Variants in MGAM observed in about 807,000 individuals in gnomAD.
MGAM encodes the protein alpha-1,4-glucosidase.
A neutral mutation model predicts 358.8 loss-of-function variants in MGAM; 253 were observed. That is an observed-to-expected ratio of 0.71 (90% confidence interval 0.64 to 0.78). MGAM has a LOEUF of 0.78. MGAM is among the 30% of genes least tolerant of loss of function. The pLI, the probability that MGAM is intolerant of heterozygous loss-of-function variation, is 0.00. For missense variants in MGAM, 3,080 were observed against 3,432.6 expected (o/e 0.90, Z 2.57); for synonymous variants, 1,105 against 1,227.1 (o/e 0.90, Z 2.08).
chr7:142,094,242 C>T (rs1815668124), intron 60 of MGAM, 122 bp from the exon 61 acceptor site: 2 of 1,204,446 alleles, frequency 1.7e-6, no homozygotes, highest in Non-Finnish European at 2.3e-6. Context: ...AGCTCAGAGT[C>T]CCGTGTTCCC....
At chr7:142,037,851 G>A (rs28469053) in intron 18 of MGAM, among the ~76,000 whole-genome samples, 10,608 of 152,026 alleles carry the variant, frequency 0.07, 1,217 homozygotes, top group African/African-American at 0.24. Context: ...GAACATTATG[G>A]GAATGAGGTA....
At chr7:142,042,820 A>G in intron 21 of MGAM, among the ~76,000 whole-genome samples, 1 of 52,050 alleles carries the variant, frequency 1.9e-5, no homozygotes, top group Non-Finnish European at 3.7e-5. Flanking sequence ...TATAATATCT[A>G]AATATAATAT....
At chr7:142,055,865 G>T (rs568779830) in intron 28 of MGAM, 135 bp from the exon 29 acceptor site, 4 of 1,456,078 alleles carry the variant, frequency 2.7e-6, no homozygotes, top group Admixed American at 2.1e-5. Flanking sequence ...AGGCTCCTTT[G>T]TTTCATGTGT....
chr7:142,021,762 G>A, intron 6 of MGAM, 25 bp downstream of exon 6: 1 of 1,612,100 alleles, frequency 6.2e-7, no homozygotes, highest in Non-Finnish European at 8.5e-7. Context: ...CCTATCTAAG[G>A]ATCAGAGTAG....
At chr7:142,055,045 A>G (rs955850368) in intron 27 of MGAM, 137 bp downstream of exon 27, 27 of 1,043,542 alleles carry the variant, frequency 2.6e-5, no homozygotes, top group Non-Finnish European at 3.3e-5. Flanking sequence ...TTTCCTTCAG[A>G]CCTATTCTTA....
At chr7:142,067,943 T>TATATATATATATATATAA (rs1812919569) in intron 42 of MGAM, among the ~76,000 whole-genome samples, 1 of 37,260 alleles carries the variant, frequency 2.7e-5, no homozygotes, top group Non-Finnish European at 6.0e-5. Context: ...CAAATATATA[T>TATATATATATATATATAA]ATATATATAT....
chr7:142,068,578 C>T, intron 42 of MGAM, 69 bp from the exon 43 acceptor site: 1 of 1,224,340 alleles, frequency 8.2e-7, no homozygotes, highest in East Asian at 2.4e-5. Context: ...CACCTCTTTC[C>T]TAAGCAGTTT....
rs778065310 is a variant in MGAM at position 142,102,636 on chromosome 7, A to G, written c.7970A>G (p.Tyr2657Cys). 6.2e-7 allele frequency: 1 copy of G among 1,613,324 alleles called. No individual in the cohort carries two copies. The highest frequency in any genetic ancestry group is 1.1e-5 in the South Asian group (1 of 90,870). The change falls in exon 69 of 71, where the codon TAT becomes TGT. Residue 2657 changes from tyrosine to cysteine, a missense_variant. Transcript: ENST00000475668. The part of the protein sequence containing the change: ...FWDDGQSIDT[Y>C]GKGLYYLASF... ...TCTTGTTTTTTGTTTGCAGATACCTATGGGAAAGGACTCTATTACTTGGCC... is the reference window on the plus strand; with the variant it reads ...TCTTGTTTTTTGTTTGCAGATACCTGTGGGAAAGGACTCTATTACTTGGCC...
At chr7:142,083,505 C>T in intron 53 of MGAM, 92 bp downstream of exon 53, 1 of 905,658 alleles carries the variant, frequency 1.1e-6, no homozygotes, top group Non-Finnish European at 1.6e-6. Flanking sequence ...CAGATGATAA[C>T]TGGAATTATT....
At position 142,087,390 on chromosome 7, in the gene MGAM, T is replaced by G. The variant is rs73738784; in HGVS notation, c.6810+673T>G. The stretch of plus-strand genomic sequence containing the variant: ...CACTAAGCGTTTCTTGCTTGAATGA[T>G]ACATGGCTCCTTACAGGTCTAGGAA... On this transcript the variant is annotated intron_variant, in intron 57 of 70. Transcript: ENST00000475668. 2.1e-5 allele frequency among the ~76,000 whole-genome samples: 3 copies of G among 145,756 alleles called. No individual in the cohort carries two copies. In the Admixed American group the frequency reaches 2.1e-4, roughly 10 times the overall value.
chr7:142,064,735 C>T (rs1812556871), intron 37 of MGAM, among the ~76,000 whole-genome samples: 1 of 152,156 alleles, frequency 6.6e-6, no homozygotes. Flanking sequence ...AAGGCATGGT[C>T]CCACCAGTGA....
rs150522455 is a variant in MGAM at position 142,006,782 on chromosome 7, C to T, written c.127+1125C>T. Among the ~76,000 whole-genome samples the T allele has an allele frequency of 6.3e-3, 953 of 152,212 alleles. 4 individuals are homozygous for T. The highest frequency in any genetic ancestry group is 0.01 in the Non-Finnish European group (680 of 67,998). Reference sequence around the variant, plus strand: ...CTCAACTTTCATTTTTCAGTCAGAACTATATAAGCTGAACCAATTGAGACA... The same window carrying T: ...CTCAACTTTCATTTTTCAGTCAGAATTATATAAGCTGAACCAATTGAGACA... On this transcript the variant is annotated intron_variant, in intron 2 of 70. Coordinates refer to ENST00000475668, the MANE Select transcript of MGAM (RefSeq NM_001365693.1).
rs1217378951 is a variant in MGAM at position 142,085,897 on chromosome 7, T to G, written c.6572T>G (p.Phe2191Cys). The change falls in exon 55 of 71, where the codon TTT becomes TGT. Residue 2191 changes from phenylalanine (F) to cysteine (C), a missense_variant. Around this residue, in one of 5 missense-constraint regions of MGAM, gnomAD observed 932 missense variants for 1,198.2 expected, o/e 0.78. Coordinates refer to ENST00000475668, the MANE Select transcript of MGAM (RefSeq NM_001365693.1). ...CTGGACTTCACCCTCAGCCCCAAGT[T>G]TGCCGGGTTTCCAGCTCTGATCAAT... ...RQLDFTLSPKFAGFPALINRM... is the reference protein window; with the variant it reads ...RQLDFTLSPKCAGFPALINRM... 2.6e-6 allele frequency: 4 copies of G among 1,566,124 alleles called. 1 individual carries two copies. Among genetic ancestry groups the G allele is most frequent in the East Asian group, 4.6e-5 (2 of 43,950 alleles).
At position 142,094,216 on chromosome 7, in the gene MGAM, G is replaced by A; in HGVS notation, c.7173-148G>A. The A allele has an allele frequency of 2.0e-6, 2 of 994,952 alleles. 1 individual carries two copies. The highest frequency in any genetic ancestry group is 2.9e-6 in the Non-Finnish European group (2 of 681,610). 61.6% of individuals were successfully genotyped at this position (994,952 alleles called of 1,614,324 possible). A position where few individuals can be genotyped will look rare whatever the true frequency, so the allele number is the denominator to read the frequency against. ...TCGTTATCTCCATCATCTGGGATCA[G>A]TGGAGCCCCCATTACAGCTCAGAGT... On this transcript the variant is annotated intron_variant, in intron 60 of 70. Coordinates refer to ENST00000475668, the MANE Select transcript of MGAM (RefSeq NM_001365693.1).
chr7:142,071,541 G>A (rs1259247288), intron 44 of MGAM, among the ~76,000 whole-genome samples: 1 of 146,098 alleles, frequency 6.8e-6, no homozygotes, highest in East Asian at 2.0e-4. Context: ...TCCTTGGTTT[G>A]CCAGGACTGA....
At chr7:142,098,876 A>G (rs1816190734) in intron 66 of MGAM, among the ~76,000 whole-genome samples, 1 of 152,266 alleles carries the variant, frequency 6.6e-6, no homozygotes, top group Non-Finnish European at 1.5e-5. Flanking sequence ...TGAATTTCAT[A>G]GTTAATATTA....
intron 57 of MGAM, among the ~76,000 whole-genome samples, chr7:142,088,761 C>A (rs1400147082): frequency 8.7e-6 from 1 of 114,458 alleles, no homozygotes; most frequent in Non-Finnish European, 1.9e-5. Flanking sequence ...ATCTATCTAT[C>A]TATCTATCTA....
At position 142,087,430 on chromosome 7, in the gene MGAM, C is replaced by T. The variant is rs372731056; in HGVS notation, c.6810+713C>T. ...AGGTCTAGGAAGGCTACGGCCCCATCCTCTGGCCAAGATGTGTGTCTCCTG... is the reference window on the plus strand; with the variant it reads ...AGGTCTAGGAAGGCTACGGCCCCATTCTCTGGCCAAGATGTGTGTCTCCTG... On this transcript the variant is annotated intron_variant, in intron 57 of 70. Coordinates refer to ENST00000475668, the MANE Select transcript of MGAM (RefSeq NM_001365693.1). Among the ~76,000 whole-genome samples the T allele has an allele frequency of 7.5e-5, 11 of 146,318 alleles. 1 individual carries two copies. The South Asian group carries it at 1.7e-3, about 23-fold the overall frequency.
intron 1 of MGAM, among the ~76,000 whole-genome samples, chr7:141,998,446 C>T (rs1488550111): frequency 6.6e-6 from 1 of 152,090 alleles, no homozygotes; most frequent in East Asian, 1.9e-4. Flanking sequence ...GTGATGTTCC[C>T]CTCCCCATGT....
Sources: allele counts gnomAD v4.1 joint callset (sites outside exome capture counted in the v4.1 genomes callset), GRCh38; gene constraint gnomAD v4.1.1; regional missense constraint gnomAD v4.1.1; transcripts MANE v1.5; gene names NCBI Gene and HGNC (gene_info 2026-07-23, HGNC 2026-07-21).